SAMM50: variants seen among roughly 807,000 people sequenced by gnomAD.
The protein encoded by SAMM50 is sorting and assembly machinery component 50 homolog.
Under a neutral mutation model 66.9 loss-of-function variants are expected in SAMM50, and 47 were observed. The ratio of observed to expected loss-of-function variants is 0.70; its 90% CI spans 0.56 to 0.90. SAMM50 has a LOEUF of 0.90. Among genes scored for constraint, SAMM50 ranks in the 40% least tolerant of loss-of-function variants. SAMM50 has a pLI of 0.00. For synonymous variants in SAMM50, 191 were observed against 214.1 expected (o/e 0.89, Z 0.94); for missense variants, 535 against 595.3 (o/e 0.90, Z 1.05).
intron 3 of SAMM50, among the ~76,000 whole-genome samples, chr22:43,967,665 G>A (rs746110727): frequency 6.6e-6 from 1 of 152,210 alleles, no homozygotes; most frequent in African/African-American, 2.4e-5. Context: ...GCATTCGTCT[G>A]TGTGATCCGT....
At chr22:43,955,657 G>T in intron 1 of SAMM50, 59 bp downstream of exon 1, 1 of 1,518,262 alleles carries the variant, frequency 6.6e-7, no homozygotes, top group Non-Finnish European at 8.9e-7. Flanking sequence ...GCAGACGGGC[G>T]CCGCGGGGAG....
intron 7 of SAMM50, 65 bp downstream of exon 7, chr22:43,973,388 C>G (rs2050214463): frequency 2.1e-6 from 2 of 974,498 alleles, no homozygotes; most frequent in East Asian, 2.4e-5. Context: ...TTCACTGATT[C>G]CCAAAGGCAG....
chr22:43,985,732 C>T (rs1406601288), intron 12 of SAMM50, among the ~76,000 whole-genome samples: 2 of 151,896 alleles, frequency 1.3e-5, no homozygotes, highest in Non-Finnish European at 2.9e-5. Context: ...TGCCGGGGAG[C>T]GCAGTTGTTT....
At chr22:43,962,356 G>T (rs56904606) in intron 1 of SAMM50, among the ~76,000 whole-genome samples, 2,128 of 152,258 alleles carry the variant, frequency 0.014, 46 homozygotes, top group African/African-American at 0.049. Flanking sequence ...GTAAGTTGAA[G>T]CATTGTAAGT....
At position 43,968,758 on chromosome 22, in the gene SAMM50, G is replaced by T; in HGVS notation, c.262G>T (p.Glu88Ter). Residue 88 changes from glutamate to a stop codon, truncating the protein, a stop_gained, in exon 4 of 15, where the codon GAA (glutamate) becomes TAA (stop). Transcript: ENST00000350028. LOFTEE classifies it high-confidence loss of function. ...EVMRKSHEAR[E>*]KLLRLGIFRQ... ...AATGCGGAAATCTCATGAAGCCCGTGAAAAATTGCTCCGTCTTGGAATTTT... is the reference window on the plus strand; with the variant it reads ...AATGCGGAAATCTCATGAAGCCCGTTAAAAATTGCTCCGTCTTGGAATTTT... 1 of 1,613,324 alleles carries T rather than the reference G, an allele frequency of 6.2e-7. No individual in the cohort carries two copies. Among genetic ancestry groups the T allele is most frequent in the Non-Finnish European group, 8.5e-7 (1 of 1,179,272 alleles).
Position 43,967,257 on chromosome 22 carries a change from A to G in SAMM50, c.235-1474A>G, listed in dbSNP as rs543659438. On this transcript the variant is annotated intron_variant, in intron 3 of 14. Coordinates refer to ENST00000350028, the MANE Select transcript of SAMM50 (RefSeq NM_015380.5). ...TCTGTGTTGAGCTGTAGCCCTGACT[A>G]TGCAACTGCCGACTCATCGTTTCCT... 2.6e-5 allele frequency among the ~76,000 whole-genome samples: 4 copies of G among 152,278 alleles called. No homozygotes were observed. The South Asian group carries it at 6.2e-4, about 24-fold the overall frequency.
At chr22:43,973,344 T>C (rs1394216334) in intron 7 of SAMM50, 21 bp downstream of exon 7, 2 of 1,443,750 alleles carry the variant, frequency 1.4e-6, no homozygotes, top group Admixed American at 1.7e-5. Context: ...TTTCAGTCCT[T>C]CCCTCTGGGC....
chr22:43,963,046 A>C, intron 1 of SAMM50: 1 of 281,312 alleles, frequency 3.6e-6, no homozygotes, highest in South Asian at 6.8e-5. Context: ...CTTCCCTGTT[A>C]ATTAGTTTTT....
rs376336708 is a variant in SAMM50, at chr22:43,972,920, C to A, written c.479C>A (p.Thr160Asn). 1.2e-6 allele frequency: 2 copies of A among 1,603,966 alleles called. No homozygotes were observed. The highest frequency in any genetic ancestry group is 2.7e-5 in the African/African-American group (2 of 73,846). Reference sequence around the variant, plus strand: ...CTTCTTGGTCGTGCAGAAAAGGTGACCTTTCAGTTTTCCTATGGAACAAAA... The same window carrying A: ...CTTCTTGGTCGTGCAGAAAAGGTGAACTTTCAGTTTTCCTATGGAACAAAA... Reference protein sequence around the residue: ...PNLLGRAEKVTFQFSYGTKET... With the variant: ...PNLLGRAEKVNFQFSYGTKET... The change falls in exon 6 of 15, where the codon ACC becomes AAC. Residue 160 changes from threonine (T) to asparagine (N), a missense_variant. Physicochemically the swap from Thr to Asn is moderately conservative, Grantham distance 65 (BLOSUM62 0). Coordinates refer to ENST00000350028, the MANE Select transcript of SAMM50 (RefSeq NM_015380.5).
At chr22:43,965,930 T>G (rs1037504122) in intron 3 of SAMM50, among the ~76,000 whole-genome samples, 2 of 152,032 alleles carry the variant, frequency 1.3e-5, no homozygotes, top group African/African-American at 4.8e-5. Context: ...CCTAAACCTC[T>G]TGGGTTCAAG....
At chr22:43,957,744 C>G (rs1449957318) in intron 1 of SAMM50, among the ~76,000 whole-genome samples, 1 of 150,894 alleles carries the variant, frequency 6.6e-6, no homozygotes, top group Non-Finnish European at 1.5e-5. Context: ...ACATTTCTGT[C>G]CAGATGTCCA....
chr22:43,972,541 C>G (rs547577359), intron 5 of SAMM50, among the ~76,000 whole-genome samples, 199 bp downstream of exon 5: 2 of 152,104 alleles, frequency 1.3e-5, no homozygotes, highest in African/African-American at 4.8e-5. Flanking sequence ...ACAATGTTAA[C>G]GTTAGTAATT....
Position 43,973,265 on chromosome 22 carries a change from G to A in SAMM50, c.590G>A (p.Gly197Glu). The A allele has an allele frequency of 6.2e-7, 1 of 1,607,650 alleles. No homozygotes were observed. The highest frequency in any genetic ancestry group is 1.1e-5 in the South Asian group (1 of 90,864). ...TCTGTAAACTTATATAAAGTTACTG[G>A]ACAGTTCCCTTGGAGCTCACTGCGG... ...NFSVNLYKVT[G>E]QFPWSSLRET... The change falls in exon 7 of 15, where the codon GGA (glycine) becomes GAA (glutamate). Residue 197 changes from glycine to glutamate, a missense_variant. Transcript: ENST00000350028.
intron 1 of SAMM50, 51 bp from the exon 2 acceptor site, chr22:43,963,235 G>GTGTA (rs1290859969): frequency 9.0e-7 from 1 of 1,105,948 alleles, no homozygotes; most frequent in African/African-American, 1.6e-5. Context: ...AGGTAAGTGT[G>GTGTA]TGTATATATG....
Position 43,983,823 on chromosome 22 carries a change from G to A in SAMM50, c.1008-110G>A, listed in dbSNP as rs745527557. ...GGTTTTGCCTTGTAAAAATGCTGTC[G>A]ATAATCTAGTATCGAATGTGAGTCT... On this transcript the variant is annotated intron_variant, in intron 11 of 14. Coordinates refer to ENST00000350028, the MANE Select transcript of SAMM50 (RefSeq NM_015380.5). The surrounding 1 kb of genome is among the most constrained non-coding windows in gnomAD (Gnocchi z 4.2). The A allele has an allele frequency of 1.4e-6, 1 of 730,602 alleles. No individual in the cohort carries two copies. The highest frequency in any genetic ancestry group is 2.3e-6 in the Non-Finnish European group (1 of 432,340). 45.3% of individuals were successfully genotyped at this position (730,602 alleles called of 1,614,324 possible). A position where few individuals can be genotyped will look rare whatever the true frequency, so the allele number is the denominator to read the frequency against.
At chr22:43,958,645 A>AT (rs1301085832) in intron 1 of SAMM50, among the ~76,000 whole-genome samples, 14 of 151,610 alleles carry the variant, frequency 9.2e-5, no homozygotes, top group African/African-American at 3.4e-4. Context: ...CACCTGGCTA[A>AT]TTTTTGTATT....
At chr22:43,967,581 T>A (rs2050179812) in intron 3 of SAMM50, among the ~76,000 whole-genome samples, 1 of 152,200 alleles carries the variant, frequency 6.6e-6, no homozygotes, top group Admixed American at 6.5e-5. Flanking sequence ...GCCTTCACCC[T>A]AGCCCCTGAG....
rs548093685 is a variant in SAMM50 at position 43,972,016 on chromosome 22, C to T, written c.323-220C>T. Among the ~76,000 whole-genome samples, 32 of 152,252 alleles carry T rather than the reference C, an allele frequency of 2.1e-4. 1 individual carries two copies. Among genetic ancestry groups the T allele is most frequent in the African/African-American group, 7.7e-4 (32 of 41,550 alleles). ...GCTCAGCCCTGTTTATTGATATATT[C>T]TACCAGAGAAACTAGAAACATTATT... On this transcript the variant is annotated intron_variant, in intron 4 of 14. Coordinates refer to ENST00000350028, the MANE Select transcript of SAMM50 (RefSeq NM_015380.5).
intron 3 of SAMM50, 106 bp from the exon 4 acceptor site, chr22:43,968,625 G>T: frequency 1.3e-6 from 1 of 790,192 alleles, no homozygotes; most frequent in South Asian, 1.5e-5. Context: ...TCAGTGATCT[G>T]ACTTAGCACC....
Sources: gnomAD v4.1 joint callset for allele counts (sites outside exome capture counted in the v4.1 genomes callset) on GRCh38, gnomAD v4.1.1 for gene constraint, Gnocchi (gnomAD v3.1) non-coding constraint, MANE v1.5 for transcripts, NCBI Gene and HGNC (gene_info 2026-07-23, HGNC 2026-07-21) for gene names.